Variants in UNC13C observed in about 807,000 individuals in gnomAD.
The protein encoded by UNC13C is protein unc-13 homolog C.
In UNC13C, 174 loss-of-function variants were observed where a neutral mutation model predicts 245.4. The observed-to-expected ratio is 0.71, with a 90% CI of 0.63 to 0.80. UNC13C has a LOEUF of 0.80. Among genes scored for constraint, UNC13C ranks in the 30% least tolerant of loss-of-function variants. UNC13C has a pLI of 0.00. For synonymous variants in UNC13C, 992 were observed against 895.1 expected (o/e 1.11, Z -1.93); for missense variants, 2,829 against 2,602.9 (o/e 1.09, Z -1.89).
chr15:53,839,715 C>A, the UNC13C span, among the ~76,000 whole-genome samples: 1 of 151,920 alleles, frequency 6.6e-6, no homozygotes, highest in Non-Finnish European at 1.5e-5. Context: ...TGGTGCTTTC[C>A]ATTTTTTTTC....
chr15:54,459,643 T>G (rs1356867765), intron 19 of UNC13C, among the ~76,000 whole-genome samples: 1 of 152,162 alleles, frequency 6.6e-6, no homozygotes, highest in Non-Finnish European at 1.5e-5. Context: ...AAGCCTTGTC[T>G]TTGAGTTCTG....
At chr15:54,625,578 G>T (rs1279872171) in intron 32 of UNC13C, among the ~76,000 whole-genome samples, 2 of 152,132 alleles carry the variant, frequency 1.3e-5, no homozygotes, top group African/African-American at 4.8e-5. Context: ...TGGATACATG[G>T]AGAGGTTAAG....
intron 29 of UNC13C, among the ~76,000 whole-genome samples, chr15:54,563,088 T>C (rs902629215): frequency 2.6e-5 from 4 of 152,074 alleles, no homozygotes; most frequent in African/African-American, 9.7e-5. Context: ...GTGGTAAACA[T>C]GAATATTGAT....
chr15:54,148,507 C>T (rs534972349), intron 4 of UNC13C, among the ~76,000 whole-genome samples: 1 of 152,184 alleles, frequency 6.6e-6, no homozygotes, highest in East Asian at 1.9e-4. Flanking sequence ...GTTGAGATTG[C>T]CTACTATCCT....
At chr15:54,360,027 T>G (rs999528299) in intron 17 of UNC13C, among the ~76,000 whole-genome samples, 6 of 151,964 alleles carry the variant, frequency 3.9e-5, no homozygotes, top group African/African-American at 1.4e-4. Flanking sequence ...CTGTTTTCAC[T>G]TGTCTCAATG....
intron 8 of UNC13C, 120 bp downstream of exon 8, chr15:54,250,564 C>A: frequency 1.2e-6 from 1 of 846,224 alleles, no homozygotes; most frequent in Non-Finnish European, 1.8e-6. Context: ...CCCCTCCCAC[C>A]ACTTACACAA....
chr15:54,502,008 T>G (rs1397920524), intron 22 of UNC13C, among the ~76,000 whole-genome samples: 1 of 152,114 alleles, frequency 6.6e-6, no homozygotes, highest in Non-Finnish European at 1.5e-5. Flanking sequence ...CGCAGAACCT[T>G]TGGAGATTTT....
chr15:54,447,993 C>T (rs1890927152), intron 19 of UNC13C, among the ~76,000 whole-genome samples: 1 of 152,184 alleles, frequency 6.6e-6, no homozygotes, highest in Non-Finnish European at 1.5e-5. Flanking sequence ...TCATTGGTTT[C>T]AAAGAACATC....
the UNC13C span, among the ~76,000 whole-genome samples, chr15:53,882,751 A>G: frequency 6.6e-6 from 1 of 152,180 alleles, no homozygotes; most frequent in Non-Finnish European, 1.5e-5. Flanking sequence ...ACGGATTGAT[A>G]TAATCTCTAC....
At chr15:54,241,368 A>G (rs1304051203) in intron 7 of UNC13C, among the ~76,000 whole-genome samples, 1 of 152,158 alleles carries the variant, frequency 6.6e-6, no homozygotes, top group Non-Finnish European at 1.5e-5. Flanking sequence ...CACTAGAAAG[A>G]TAACATGGAA....
chr15:53,984,270 A>G (rs943431557), intron 1 of UNC13C, among the ~76,000 whole-genome samples: 1 of 151,962 alleles, frequency 6.6e-6, no homozygotes, highest in African/African-American at 2.4e-5. Context: ...TCCTTATCCA[A>G]TCTCTGCCCC....
At chr15:54,489,137 G>A (rs1375649384) in intron 19 of UNC13C, among the ~76,000 whole-genome samples, 1 of 152,000 alleles carries the variant, frequency 6.6e-6, no homozygotes, top group African/African-American at 2.4e-5. Context: ...ATTATGGAAG[G>A]CATATATGAA....
At chr15:54,232,546 GA>G (rs1405010312) in intron 4 of UNC13C, among the ~76,000 whole-genome samples, 1 of 152,034 alleles carries the variant, frequency 6.6e-6, no homozygotes, top group Admixed American at 6.6e-5. Flanking sequence ...TCATGGAAAG[GA>G]AACCATAAAA....
intron 2 of UNC13C, among the ~76,000 whole-genome samples, chr15:54,078,084 C>A (rs1011753648): frequency 3.9e-5 from 6 of 152,108 alleles, no homozygotes; most frequent in African/African-American, 4.8e-5. Context: ...TTTTTTGTTT[C>A]AGAATTATTT....
chr15:54,532,862 C>G (rs1295568831), intron 25 of UNC13C, 55 bp from the exon 26 acceptor site: 16 of 1,208,022 alleles, frequency 1.3e-5, no homozygotes, highest in Non-Finnish European at 1.9e-5. Context: ...GAAATTGGAA[C>G]AGGCTCAGGC....
intron 19 of UNC13C, among the ~76,000 whole-genome samples, chr15:54,462,158 G>C (rs1032675478): frequency 1.3e-5 from 2 of 152,146 alleles, no homozygotes; most frequent in Non-Finnish European, 2.9e-5. Flanking sequence ...AAGTAGTTGA[G>C]CATGTATATA....
chr15:54,167,583 A>C (rs1242907926), intron 4 of UNC13C, among the ~76,000 whole-genome samples: 2 of 146,574 alleles, frequency 1.4e-5, no homozygotes, highest in Non-Finnish European at 3.0e-5. Flanking sequence ...AATGAGTGAA[A>C]GAATGAGTAT....
At position 54,234,980 on chromosome 15, in the gene UNC13C, C is replaced by T. The variant is rs200373775; in HGVS notation, c.3072-50C>T. 94 of 1,530,830 alleles carry T rather than the reference C, an allele frequency of 6.1e-5. No individual in the cohort carries two copies. The East Asian group carries it at 8.1e-4, about 13-fold the overall frequency. The allele number at this position is 1,530,830 out of a possible 1,614,324, so 94.8% of individuals were successfully genotyped here. On this transcript the variant is annotated intron_variant, in intron 4 of 32. Coordinates refer to ENST00000260323, the MANE Select transcript of UNC13C (RefSeq NM_001080534.3). The stretch of plus-strand genomic sequence containing the variant: ...CCATGAACAGTGGATGTTTTTCTTA[C>T]AAGAAGTCATTTTACCCATTGCAAT...
In UNC13C at chr15:54,236,368, T is replaced by C; in HGVS notation, c.3151-62T>C. The C allele has an allele frequency of 2.2e-6, 3 of 1,338,374 alleles. No individual in the cohort carries two copies. The South Asian group carries it at 3.6e-5, about 16-fold the overall frequency. 82.9% of individuals were successfully genotyped at this position (1,338,374 alleles called of 1,614,324 possible). A position where few individuals can be genotyped will look rare whatever the true frequency, so the allele number is the denominator to read the frequency against. On this transcript the variant is annotated intron_variant, in intron 5 of 32. Coordinates refer to ENST00000260323, the MANE Select transcript of UNC13C (RefSeq NM_001080534.3). ...GCTAATTTAACATTGTTATACTCTT[T>C]TCCTACCTTTCATGTATCTAATTAT... is the stretch of plus-strand genomic sequence containing the variant.
Sources: allele counts gnomAD v4.1 joint callset (sites outside exome capture counted in the v4.1 genomes callset), GRCh38; gene constraint gnomAD v4.1.1; transcripts MANE v1.5; gene names NCBI Gene and HGNC (gene_info 2026-07-23, HGNC 2026-07-21).